Variants in ERCC6 observed in about 807,000 individuals in gnomAD.
The protein encoded by ERCC6 is ERCC excision repair 6, chromatin remodeling factor, also known as DNA excision repair protein ERCC-6.
A neutral mutation model predicts 158.7 loss-of-function variants in ERCC6; 116 were observed. That is an observed-to-expected ratio of 0.73 (90% CI 0.63 to 0.85). ERCC6 has a LOEUF of 0.85. Ranked by LOEUF, ERCC6 falls within the 40% of genes least tolerant of loss-of-function variation. The pLI, the probability that ERCC6 is intolerant of heterozygous loss-of-function variation, is 0.00. For missense variants in ERCC6, 1,698 were observed against 1,799.4 expected, an observed-to-expected ratio of 0.94 and a Z score of 1.02; for synonymous variants, 678 against 659.3, an observed-to-expected ratio of 1.03 and a Z score of -0.43.
intron 7 of ERCC6, among the ~76,000 whole-genome samples, chr10:49,495,183 G>A (rs1851246526): frequency 6.6e-6 from 1 of 152,142 alleles, no homozygotes; most frequent in Admixed American, 6.5e-5. Context: ...CAGTCTTGCT[G>A]GGAGTTGGGT....
At chr10:49,496,426 A>G (rs908194733) in intron 7 of ERCC6, among the ~76,000 whole-genome samples, 4 of 152,334 alleles carry the variant, frequency 2.6e-5, no homozygotes, top group South Asian at 2.1e-4. Flanking sequence ...ATATATCAAC[A>G]TGCTAAAAGA....
At chr10:49,451,238 G>C (rs1035502959), downstream of ERCC6, among the ~76,000 whole-genome samples, 1 of 104,452 alleles carries the variant, frequency 9.6e-6, no homozygotes, top group East Asian at 3.0e-4. Context: ...CATGTCATTT[G>C]TGAACAGTCT....
chr10:49,509,418 C>A (rs1851499057), intron 5 of ERCC6, among the ~76,000 whole-genome samples: 1 of 152,174 alleles, frequency 6.6e-6, no homozygotes, highest in Non-Finnish European at 1.5e-5. Flanking sequence ...TTTAACAGAA[C>A]TACCTGAACA....
rs1199758444 is a variant in ERCC6, at chr10:49,538,974, G to C, written c.-27C>G. On this transcript the variant is annotated 5_prime_UTR_variant, in exon 1 of 21. Coordinates refer to ENST00000355832, the MANE Select transcript of ERCC6 (RefSeq NM_000124.4). ...CCCGAACACTCACCCAGGGCCGCGCGAGCGCCCACAAGGAAACAGAGACGC... is the reference window on the plus strand; with the variant it reads ...CCCGAACACTCACCCAGGGCCGCGCCAGCGCCCACAAGGAAACAGAGACGC... 6.6e-6 allele frequency: 1 copy of C among 152,552 alleles called. No homozygotes were observed. The allele number at this position is 152,552 out of a possible 1,614,324, so 9.4% of individuals were successfully genotyped here. A position where few individuals can be genotyped will look rare whatever the true frequency, so the allele number is the denominator to read the frequency against.
intron 18 of ERCC6, among the ~76,000 whole-genome samples, chr10:49,465,875 G>A (rs1033880588): frequency 1.3e-5 from 2 of 151,412 alleles, no homozygotes; most frequent in African/African-American, 4.8e-5. Flanking sequence ...TATCAGCAGT[G>A]TGAAAACAGA....
intron 2 of ERCC6, among the ~76,000 whole-genome samples, chr10:49,532,066 A>C (rs550858500): frequency 1.4e-4 from 21 of 152,366 alleles, no homozygotes; most frequent in African/African-American, 5.1e-4. Context: ...GGATGGAAGA[A>C]AAGAAAACCG....
downstream of ERCC6, among the ~76,000 whole-genome samples, chr10:49,450,907 G>T (rs952943407): frequency 6.6e-6 from 1 of 151,884 alleles, no homozygotes; most frequent in African/African-American, 2.4e-5. Context: ...CGCCTCCCAG[G>T]TTCATGCCAT....
At chr10:49,535,391 A>C (rs1564448491) in intron 1 of ERCC6, among the ~76,000 whole-genome samples, 1 of 152,126 alleles carries the variant, frequency 6.6e-6, no homozygotes, top group Admixed American at 6.5e-5. Flanking sequence ...GTCATTTTGG[A>C]GGGTACGAGG....
In ERCC6 at chr10:49,474,184, C is replaced by T. The variant is rs760238086; in HGVS notation, c.2441G>A (p.Gly814Glu). The stretch of plus-strand genomic sequence containing the variant: ...AAGACCTTTGAGATTCTTGGGACCT[C>T]CAGAAAAGAGATCAGGGTGGTTGCA... Reference protein sequence around the residue: ...KICNHPDLFSGGPKNLKGLPD... With the variant: ...KICNHPDLFSEGPKNLKGLPD... The change falls in exon 13 of 21, where the codon GGA becomes GAA. Residue 814 changes from glycine (G) to glutamate (E), a missense_variant. By Grantham distance (98) the Gly-to-Glu change is moderately conservative. Coordinates refer to ENST00000355832, the MANE Select transcript of ERCC6 (RefSeq NM_000124.4). The T allele has an allele frequency of 6.2e-7, 1 of 1,614,104 alleles. No homozygotes were observed. The highest frequency in any genetic ancestry group is 2.2e-5 in the East Asian group (1 of 44,880).
Position 49,472,308 on chromosome 10 carries a change from CTT to C in ERCC6, c.2924+66_2924+67del. 1.9e-5 allele frequency: 26 copies of C among 1,382,914 alleles called. No individual in the cohort carries two copies. The South Asian group carries it at 3.0e-4, about 16-fold the overall frequency. 85.7% of individuals were successfully genotyped at this position (1,382,914 alleles called of 1,614,324 possible). ...GATGTTAAGACTTTTAAAAACAACA[CTT>C]TGGAAAAATTCCCTGCTCAAGACTC... On this transcript the variant is annotated intron_variant, in intron 16 of 20. Coordinates refer to ENST00000355832, the MANE Select transcript of ERCC6 (RefSeq NM_000124.4).
chr10:49,490,884 T>C (rs1665554339), intron 8 of ERCC6, among the ~76,000 whole-genome samples: 2 of 152,162 alleles, frequency 1.3e-5, no homozygotes, highest in Non-Finnish European at 2.9e-5. Flanking sequence ...GCTCATCCAC[T>C]GTAAAAAGAA....
At chr10:49,473,096 C>A in intron 14 of ERCC6, 68 bp from the exon 15 acceptor site, 1 of 1,607,766 alleles carries the variant, frequency 6.2e-7, no homozygotes. Flanking sequence ...GCCTCTGCCT[C>A]CACATATTGT....
intron 12 of ERCC6, chr10:49,475,559 A>G (rs1404519638): frequency 9.1e-6 from 3 of 329,318 alleles, no homozygotes; most frequent in Non-Finnish European, 1.8e-5. Flanking sequence ...AACTGAAATG[A>G]CCTAATCACA....
At chr10:49,505,833 G>C in intron 6 of ERCC6, 51 bp downstream of exon 6, 1 of 1,608,072 alleles carries the variant, frequency 6.2e-7, no homozygotes, top group Non-Finnish European at 8.5e-7. Context: ...ATGTTAATTT[G>C]TACATAATGG....
chr10:49,485,456 A>G (rs1340355760), intron 8 of ERCC6, among the ~76,000 whole-genome samples: 2 of 152,240 alleles, frequency 1.3e-5, no homozygotes, highest in Non-Finnish European at 2.9e-5. Flanking sequence ...CAAAGCCTAA[A>G]TATTAAACAC....
At chr10:49,437,440 A>G in the ERCC6 span, among the ~76,000 whole-genome samples, 4 of 152,254 alleles carry the variant, frequency 2.6e-5, no homozygotes, top group African/African-American at 9.6e-5. Flanking sequence ...AACTAAAAAT[A>G]ATGTTCTTCT....
intron 4 of ERCC6, among the ~76,000 whole-genome samples, chr10:49,526,527 GC>G (rs1190267205): frequency 6.6e-6 from 1 of 151,800 alleles, no homozygotes; most frequent in African/African-American, 2.4e-5. Flanking sequence ...TCAGTATCTT[GC>G]CCTAAATGCT....
At chr10:49,475,395 C>T (rs1355760744) in intron 12 of ERCC6, 4 of 446,706 alleles carry the variant, frequency 9.0e-6, no homozygotes, top group Non-Finnish European at 1.4e-5. Context: ...TTTGCATTCC[C>T]TTTCCTGGAT....
intron 11 of ERCC6, among the ~76,000 whole-genome samples, chr10:49,477,620 T>TGCA (rs2132545925): frequency 6.6e-6 from 1 of 152,256 alleles, no homozygotes; most frequent in African/African-American, 2.4e-5. Flanking sequence ...CTTCTGTTCA[T>TGCA]GCACCTGTCT....
Sources: allele counts gnomAD v4.1 joint callset (sites outside exome capture counted in the v4.1 genomes callset), GRCh38; gene constraint gnomAD v4.1.1; transcripts MANE v1.5; gene names NCBI Gene and HGNC (gene_info 2026-07-23, HGNC 2026-07-21).